Variants in PIK3C2G observed in about 807,000 individuals in gnomAD.
PIK3C2G encodes phosphatidylinositol-4-phosphate 3-kinase catalytic subunit type 2 gamma, also known as phosphatidylinositol 3-kinase C2 domain-containing subunit gamma.
Under a neutral mutation model 181.1 loss-of-function variants are expected in PIK3C2G, and 168 were observed. The ratio of observed to expected loss-of-function variants is 0.93; its 90% CI spans 0.82 to 1.05. The LOEUF is 1.05. Ranked by LOEUF, PIK3C2G falls within the 50% of genes least tolerant of loss-of-function variation. PIK3C2G has a pLI of 0.00. For synonymous variants in PIK3C2G, 573 were observed against 592.2 expected, an observed-to-expected ratio of 0.97 and a Z score of 0.47; for missense variants, 1,869 against 1,732.8, an observed-to-expected ratio of 1.08 and a Z score of -1.40.
At chr12:18,321,562 T>C (rs1353036314) in intron 7 of PIK3C2G, among the ~76,000 whole-genome samples, 1 of 152,180 alleles carries the variant, frequency 6.6e-6, no homozygotes, top group Non-Finnish European at 1.5e-5. Flanking sequence ...AACTGGGAGT[T>C]TGGGTGTATC....
At chr12:18,580,144 A>AG (rs201231538) in intron 29 of PIK3C2G, among the ~76,000 whole-genome samples, 65 of 151,058 alleles carry the variant, frequency 4.3e-4, no homozygotes, top group African/African-American at 1.3e-3. Context: ...AAAAAAAAAA[A>AG]AGAGAGAGAG....
Position 18,589,524 on chromosome 12 carries a change from A to T in PIK3C2G, c.4012-4970A>T, listed in dbSNP as rs148044266. Among the ~76,000 whole-genome samples the T allele has an allele frequency of 4.7e-4, 72 of 152,082 alleles. 2 individuals are homozygous for T. The East Asian group carries it at 0.014, about 29-fold the overall frequency. ...AGGCAAGTGTGTTAACAAGAGGTAG[A>T]GGGCAGTATAGTCAGTAGACATGCT... On this transcript the variant is annotated intron_variant, in intron 29 of 32. Transcript: ENST00000538779.
the PIK3C2G span, among the ~76,000 whole-genome samples, chr12:18,678,807 A>G: frequency 6.6e-6 from 1 of 152,052 alleles, no homozygotes; most frequent in Non-Finnish European, 1.5e-5. Flanking sequence ...ATAAACAGTT[A>G]TGGAAGCCTT....
In PIK3C2G at chr12:18,488,445, T is replaced by C; in HGVS notation, c.2505-4T>C. ...AAGAATTTTTTTCTCTCTCTTTCCT[T>C]CAGGCTGCTAAAAAATGCAGAAAAT... On this transcript the variant is annotated splice_region_variant and splice_polypyrimidine_tract_variant and intron_variant, in intron 18 of 32. Coordinates refer to ENST00000538779, the MANE Select transcript of PIK3C2G (RefSeq NM_001288772.2). The C allele has an allele frequency of 1.3e-6, 2 of 1,504,942 alleles. No homozygotes were observed. The highest frequency in any genetic ancestry group is 8.9e-7 in the Non-Finnish European group (1 of 1,126,800). 93.2% of individuals were successfully genotyped at this position (1,504,942 alleles called of 1,614,324 possible).
chr12:18,400,995 T>C (rs193187370), intron 16 of PIK3C2G, among the ~76,000 whole-genome samples: 1 of 152,218 alleles, frequency 6.6e-6, no homozygotes, highest in African/African-American at 2.4e-5. Context: ...CCTGGACTAG[T>C]ACAGTGCTCT....
At chr12:18,376,723 T>C (rs944297196) in intron 13 of PIK3C2G, among the ~76,000 whole-genome samples, 2 of 152,132 alleles carry the variant, frequency 1.3e-5, no homozygotes, top group Non-Finnish European at 2.9e-5. Flanking sequence ...ATCATGGAGA[T>C]GGGTCCTTCT....
At chr12:18,358,638 C>T in intron 11 of PIK3C2G, 1 of 489,512 alleles carries the variant, frequency 2.0e-6, no homozygotes, top group Non-Finnish European at 4.1e-6. Context: ...AAATTCCTAT[C>T]CTCAGCTGGT....
At chr12:18,531,014 C>T (rs1227350996) in intron 24 of PIK3C2G, among the ~76,000 whole-genome samples, 1 of 152,116 alleles carries the variant, frequency 6.6e-6, no homozygotes, top group Admixed American at 6.6e-5. Flanking sequence ...ATTTGATTTA[C>T]CTGCAAATTT....
upstream of PIK3C2G, among the ~76,000 whole-genome samples, chr12:18,244,728 A>G (rs1041971083): frequency 6.6e-6 from 1 of 152,136 alleles, no homozygotes; most frequent in African/African-American, 2.4e-5. Flanking sequence ...GGGAAGATCC[A>G]GTCTTGTCCT....
chr12:18,689,369 T>C, the PIK3C2G span, among the ~76,000 whole-genome samples: 1 of 152,204 alleles, frequency 6.6e-6, no homozygotes, highest in Non-Finnish European at 1.5e-5. Flanking sequence ...GCGGGCCACA[T>C]GTGGCCCATG....
At chr12:18,627,557 G>T (rs185617400) in intron 31 of PIK3C2G, among the ~76,000 whole-genome samples, 1 of 152,094 alleles carries the variant, frequency 6.6e-6, no homozygotes, top group African/African-American at 2.4e-5. Context: ...CAGAATTCTT[G>T]TTGTAAGGAG....
the PIK3C2G span, among the ~76,000 whole-genome samples, chr12:18,695,270 G>A: frequency 6.6e-6 from 1 of 152,130 alleles, no homozygotes; most frequent in Non-Finnish European, 1.5e-5. Context: ...ATATTGATGA[G>A]TTGCAAAGTT....
intron 31 of PIK3C2G, among the ~76,000 whole-genome samples, chr12:18,634,893 C>T (rs1949519492): frequency 6.6e-6 from 1 of 152,100 alleles, no homozygotes; most frequent in African/African-American, 2.4e-5. Flanking sequence ...TTTAGAGAGA[C>T]CTATCCACAT....
chr12:18,691,213 C>G, the PIK3C2G span, among the ~76,000 whole-genome samples: 1 of 152,062 alleles, frequency 6.6e-6, no homozygotes, highest in Non-Finnish European at 1.5e-5. Context: ...GAATGGTTCC[C>G]AATTTTCTAG....
intron 26 of PIK3C2G, among the ~76,000 whole-genome samples, chr12:18,556,698 T>C (rs1945031583): frequency 6.6e-6 from 1 of 152,168 alleles, no homozygotes; most frequent in Non-Finnish European, 1.5e-5. Flanking sequence ...AATATTATAC[T>C]CCTGCTATTA....
At chr12:18,266,028 A>G (rs1159020164) in intron 1 of PIK3C2G, among the ~76,000 whole-genome samples, 2 of 150,916 alleles carry the variant, frequency 1.3e-5, no homozygotes, top group Non-Finnish European at 3.0e-5. Flanking sequence ...AAAAAAAAAA[A>G]AAAAAAAAAA....
the PIK3C2G span, among the ~76,000 whole-genome samples, chr12:18,677,837 T>C: frequency 1.4e-4 from 21 of 152,112 alleles, no homozygotes; most frequent in African/African-American, 4.1e-4. Flanking sequence ...TCCTTCCATT[T>C]TGGTTTTAAA....
the PIK3C2G span, among the ~76,000 whole-genome samples, chr12:18,662,501 T>TA: frequency 4.0e-4 from 61 of 151,838 alleles, 1 homozygote; most frequent in African/African-American, 1.3e-3. Context: ...TTACACAGTT[T>TA]AAAAAAAAGG....
intron 18 of PIK3C2G, among the ~76,000 whole-genome samples, chr12:18,478,359 T>C (rs1255264158): frequency 1.3e-5 from 2 of 152,146 alleles, no homozygotes; most frequent in African/African-American, 4.8e-5. Context: ...CCAGTTAAAA[T>C]GGGTAGTTCA....
Sources: gnomAD v4.1 joint callset for allele counts (sites outside exome capture counted in the v4.1 genomes callset) on GRCh38, gnomAD v4.1.1 for gene constraint, MANE v1.5 for transcripts, NCBI Gene and HGNC (gene_info 2026-07-23, HGNC 2026-07-21) for gene names.